PRKN: variants seen among roughly 807,000 people sequenced by gnomAD.
The protein encoded by PRKN is parkin RBR E3 ubiquitin protein ligase.
Under a neutral mutation model 59.5 loss-of-function variants are expected in PRKN, and 56 were observed. The observed-to-expected ratio is 0.94, with a 90% CI of 0.76 to 1.18. PRKN has a LOEUF of 1.18. Among genes scored for constraint, PRKN ranks in the 50% most tolerant of loss-of-function variants. PRKN has a pLI of 0.00. For synonymous variants in PRKN, 250 were observed against 222.1 expected (o/e 1.13, Z -1.12); for missense variants, 657 against 596.4 (o/e 1.10, Z -1.06).
intron 9 of PRKN, among the ~76,000 whole-genome samples, chr6:161,520,961 G>A (rs1778797591): frequency 6.6e-6 from 1 of 152,152 alleles, no homozygotes; most frequent in Non-Finnish European, 1.5e-5. Context: ...AAGCTACAGA[G>A]CTTAATTAAA....
At chr6:161,621,619 A>T (rs1264638634) in intron 7 of PRKN, among the ~76,000 whole-genome samples, 1 of 151,864 alleles carries the variant, frequency 6.6e-6, no homozygotes, top group Non-Finnish European at 1.5e-5. Flanking sequence ...TCACATCCCA[A>T]CCTCCTCTGG....
At chr6:162,472,309 C>G (rs913966666) in intron 1 of PRKN, among the ~76,000 whole-genome samples, 1 of 150,382 alleles carries the variant, frequency 6.6e-6, no homozygotes, top group African/African-American at 2.4e-5. Flanking sequence ...CCCCCATTAA[C>G]TCATCATTTA....
rs1025317025 is a variant in PRKN, at chr6:161,904,309, GTT to G, written c.734+68991_734+68992del. Among the ~76,000 whole-genome samples the G allele has an allele frequency of 7.6e-4, 55 of 72,554 alleles. 1 individual carries two copies. The highest frequency in any genetic ancestry group is 3.2e-3 in the African/African-American group (49 of 15,202). 47.6% of individuals were successfully genotyped at this position (72,554 alleles called of 152,430 possible). ...GTTGGCTTGTTTTCGAATTTGTGGG[GTT>G]TTTTTTTTTTTTTTTTTTTTTTGAG... On this transcript the variant is annotated intron_variant, in intron 6 of 11. Coordinates refer to ENST00000366898, the MANE Select transcript of PRKN (RefSeq NM_004562.3).
chr6:161,676,114 T>C (rs1244401815), intron 7 of PRKN, among the ~76,000 whole-genome samples: 1 of 152,236 alleles, frequency 6.6e-6, no homozygotes, highest in Non-Finnish European at 1.5e-5. Context: ...CTCCAGGATC[T>C]TCCAAGCCTG....
chr6:162,582,584 T>C (rs909591929), intron 1 of PRKN, among the ~76,000 whole-genome samples: 8 of 152,188 alleles, frequency 5.3e-5, no homozygotes, highest in Non-Finnish European at 1.2e-4. Context: ...ATATCTGCAG[T>C]GCTTTATTCC....
chr6:162,379,402 T>C (rs1393398654), intron 2 of PRKN, among the ~76,000 whole-genome samples: 1 of 152,150 alleles, frequency 6.6e-6, no homozygotes, highest in Non-Finnish European at 1.5e-5. Flanking sequence ...ATTTTCTACT[T>C]TTTGTGGGCT....
At chr6:161,912,490 T>C (rs1200980405) in intron 6 of PRKN, among the ~76,000 whole-genome samples, 1 of 151,514 alleles carries the variant, frequency 6.6e-6, no homozygotes, top group Admixed American at 6.6e-5. Context: ...CTTCAGAACT[T>C]GGCCTCAGGA....
chr6:161,717,931 T>A (rs1275739370), intron 7 of PRKN, among the ~76,000 whole-genome samples: 1 of 151,684 alleles, frequency 6.6e-6, no homozygotes, highest in Non-Finnish European at 1.5e-5. Flanking sequence ...TGCATGAGAG[T>A]GAAGAGGATG....
chr6:161,697,531 T>C (rs1054189685), intron 7 of PRKN, among the ~76,000 whole-genome samples: 1 of 152,184 alleles, frequency 6.6e-6, no homozygotes, highest in Non-Finnish European at 1.5e-5. Context: ...ATTCAGTCTC[T>C]AGTCTCAACG....
intron 5 of PRKN, among the ~76,000 whole-genome samples, chr6:162,019,455 G>A (rs1413052142): frequency 2.0e-5 from 3 of 152,232 alleles, no homozygotes; most frequent in Admixed American, 1.3e-4. Flanking sequence ...GAAAGGCACC[G>A]TTCAAAACAA....
chr6:161,693,459 T>C (rs1785888291), intron 7 of PRKN, among the ~76,000 whole-genome samples: 3 of 152,322 alleles, frequency 2.0e-5, no homozygotes, highest in African/African-American at 7.2e-5. Context: ...ACTTTTTTTA[T>C]ATTCAATTCT....
At chr6:161,922,586 G>C (rs1283466327) in intron 6 of PRKN, among the ~76,000 whole-genome samples, 1 of 152,026 alleles carries the variant, frequency 6.6e-6, no homozygotes, top group African/African-American at 2.4e-5. Flanking sequence ...TTATTTGTGG[G>C]GATATAATAT....
chr6:162,709,988 C>A (rs183510266), intron 1 of PRKN, among the ~76,000 whole-genome samples: 4 of 152,134 alleles, frequency 2.6e-5, no homozygotes, highest in African/African-American at 7.2e-5. Flanking sequence ...TAAACGGAAC[C>A]GTGGATATTG....
chr6:161,978,815 T>G (rs1397834481), intron 5 of PRKN, among the ~76,000 whole-genome samples: 1 of 152,176 alleles, frequency 6.6e-6, no homozygotes, highest in East Asian at 1.9e-4. Context: ...AGTTCTAGCG[T>G]GTGCAGGGGT....
chr6:161,572,004 T>C (rs530009305), intron 7 of PRKN, among the ~76,000 whole-genome samples: 1 of 152,308 alleles, frequency 6.6e-6, no homozygotes, highest in Non-Finnish European at 1.5e-5. Flanking sequence ...AGACACAGAC[T>C]GAATTAGACC....
At chr6:162,403,790 C>T (rs950979372) in intron 2 of PRKN, among the ~76,000 whole-genome samples, 4 of 152,020 alleles carry the variant, frequency 2.6e-5, no homozygotes, top group Non-Finnish European at 5.9e-5. Flanking sequence ...ATTACATGGG[C>T]GGGGAAATCA....
intron 2 of PRKN, among the ~76,000 whole-genome samples, chr6:162,330,154 A>T (rs3944451): frequency 0.4 from 60,853 of 152,038 alleles, 12,993 homozygotes; most frequent in Non-Finnish European, 0.48. Context: ...CTTTTGAAAA[A>T]GATGTCTCTT....
intron 9 of PRKN, among the ~76,000 whole-genome samples, chr6:161,406,308 T>A (rs1351136494): frequency 2.0e-5 from 3 of 151,958 alleles, no homozygotes; most frequent in Non-Finnish European, 2.9e-5. Context: ...TTTTTCAAAG[T>A]CATGAAGTTT....
At chr6:161,849,235 C>A (rs1051731001) in intron 6 of PRKN, among the ~76,000 whole-genome samples, 5 of 152,136 alleles carry the variant, frequency 3.3e-5, no homozygotes, top group Non-Finnish European at 7.3e-5. Context: ...TCCTAGTCTG[C>A]GTGACGGACC....
Sources: allele counts gnomAD v4.1 joint callset (sites outside exome capture counted in the v4.1 genomes callset), GRCh38; gene constraint gnomAD v4.1.1; transcripts MANE v1.5; gene names NCBI Gene and HGNC (gene_info 2026-07-23, HGNC 2026-07-21).